The following MARF1 variants were observed in gnomAD, a reference collection of about 807,000 sequenced individuals.
MARF1 encodes the protein limkain-b1.
In MARF1, 24 loss-of-function variants were observed where a neutral mutation model predicts 168.2. The observed-to-expected ratio is 0.14, with a 90% CI of 0.10 to 0.20. The LOEUF (loss-of-function observed/expected upper bound fraction) is 0.20, where lower values mean the gene tolerates loss of function less well. Among genes scored for constraint, MARF1 ranks in the 10% least tolerant of loss-of-function variants. The pLI, the probability that MARF1 is intolerant of heterozygous loss-of-function variation, is 1.00. For synonymous variants in MARF1, 868 were observed against 822.4 expected, an observed-to-expected ratio of 1.06 and a Z score of -0.95; for missense variants, 1,744 against 2,143.6, an observed-to-expected ratio of 0.81 and a Z score of 3.68.
intron 7 of MARF1, 82 bp from the exon 8 acceptor site, chr16:15,625,882 C>G (rs1369298207): frequency 9.0e-7 from 1 of 1,113,766 alleles, no homozygotes; most frequent in Non-Finnish European, 1.3e-6. Context: ...TGGGTGACCT[C>G]CAAACTTCAG....
rs2033338579 is a variant in MARF1, at chr16:15,609,563, T to C, written c.3914A>G (p.Lys1305Arg). The C allele has an allele frequency of 2.0e-5, 33 of 1,614,098 alleles. No homozygotes were observed. The highest frequency in any genetic ancestry group is 2.7e-5 in the Non-Finnish European group (32 of 1,180,044). The change falls in exon 20 of 27, where the codon AAA becomes AGA. Residue 1305 changes from lysine to arginine, a missense_variant. Physicochemically the swap from Lys to Arg is conservative, Grantham distance 26. Around this residue, in one of 7 missense-constraint regions of MARF1, gnomAD observed 543 missense variants for 742.1 expected, o/e 0.73. Transcript: ENST00000396368. ...QCKLAYYGFT[K>R]LLELFEAIPD... ...TATGGCTTCAAAAAGTTCAAGTAGTTTGGTAAACCCATAGTACGCAAGTTT... is the reference window on the plus strand; with the variant it reads ...TATGGCTTCAAAAAGTTCAAGTAGTCTGGTAAACCCATAGTACGCAAGTTT...
intron 16 of MARF1, among the ~76,000 whole-genome samples, 159 bp downstream of exon 16, chr16:15,615,671 C>T (rs2033988043): frequency 6.6e-6 from 1 of 152,146 alleles, no homozygotes; most frequent in Admixed American, 6.6e-5. Context: ...GTAACGCCAA[C>T]CCCTCAAGCA....
chr16:15,611,577 T>C lies in MARF1; in HGVS notation c.3617+15A>G, dbSNP rs770778002. On this transcript the variant is annotated intron_variant, in intron 18 of 26. Coordinates refer to ENST00000396368, the MANE Select transcript of MARF1 (RefSeq NM_014647.4). ...AAAATATTTACTTTCATTTCTGTTC[T>C]TTTCATCAACTCACCAGTGATAAGC... The C allele has an allele frequency of 1.9e-6, 3 of 1,610,712 alleles. No homozygotes were observed. The highest frequency in any genetic ancestry group is 3.4e-5 in the Admixed American group (2 of 59,566).
chr16:15,606,519 C>G (rs2033026930), intron 21 of MARF1, among the ~76,000 whole-genome samples: 1 of 152,146 alleles, frequency 6.6e-6, no homozygotes, highest in Admixed American at 6.5e-5. Flanking sequence ...CTCCCCACTC[C>G]TAAGTCCTGA....
In MARF1 at chr16:15,617,363, T is replaced by C; in HGVS notation, c.2893A>G (p.Ile965Val). ...DGSSTNCSPI[I>V]FEELEYHEPV... The stretch of plus-strand genomic sequence containing the variant: ...TCGTGATATTCTAACTCTTCAAATA[T>C]AATTGGGCTGCAATTCGTGGAGGAG... The change falls in exon 14 of 27, where the codon ATA (isoleucine) becomes GTA (valine). Residue 965 changes from isoleucine to valine, a missense_variant. Physicochemically the swap from Ile to Val is conservative, Grantham distance 29. Transcript: ENST00000396368. 2 of 1,614,168 alleles carry C rather than the reference T, an allele frequency of 1.2e-6. No homozygotes were observed. The highest frequency in any genetic ancestry group is 1.7e-6 in the Non-Finnish European group (2 of 1,180,026).
Position 15,636,354 on chromosome 16 carries a change from A to C in MARF1, c.145-12T>G. On this transcript the variant is annotated splice_polypyrimidine_tract_variant and intron_variant, in intron 2 of 26. Transcript: ENST00000396368. ...TCCATGTACTCTTTCTGAGAAAAGA[A>C]AATCAGAACATAAATTAATTTTATG... is the stretch of plus-strand genomic sequence containing the variant. The C allele has an allele frequency of 3.9e-6, 6 of 1,520,088 alleles. No homozygotes were observed. The highest frequency in any genetic ancestry group is 5.3e-6 in the Non-Finnish European group (6 of 1,134,204). The allele number at this position is 1,520,088 out of a possible 1,614,324, so 94.2% of individuals were successfully genotyped here. A position where few individuals can be genotyped will look rare whatever the true frequency, so the allele number is the denominator to read the frequency against.
Position 15,624,885 on chromosome 16 carries a change from T to C in MARF1, c.2154A>G (p.Val718=). The C allele has an allele frequency of 1.2e-6, 2 of 1,614,196 alleles. No homozygotes were observed. Residue 718 remains valine (V), a synonymous_variant, in exon 10 of 27, where the codon GTA becomes GTG. Transcript: ENST00000396368. ...CAGTCTCCTCTTTATCTTTTTTCTC[T>C]ACAGGAGAACTGGTAACACTTCGGG... ...LSARSVTSSP[V]EKKDKEETVF...
rs10657514 is a variant in MARF1 at position 15,613,689 on chromosome 16, A to AAATAAATAAATAAAT, written c.3254-913_3254-912insATTTATTTATTTATT. Among the ~76,000 whole-genome samples the AAATAAATAAATAAAT allele has an allele frequency of 1.7e-3, 107 of 63,930 alleles. 1 individual carries two copies. Among genetic ancestry groups the AAATAAATAAATAAAT allele is most frequent in the Middle Eastern group, 8.2e-3 (1 of 122 alleles). 41.9% of individuals were successfully genotyped at this position (63,930 alleles called of 152,430 possible). On this transcript the variant is annotated intron_variant, in intron 16 of 26. Coordinates refer to ENST00000396368, the MANE Select transcript of MARF1 (RefSeq NM_014647.4). ...TAAATAAATAAATAAATAAATAAATAAAATAAAATAAAATAAAATAAAAAG... is the reference window on the plus strand; with the variant it reads ...TAAATAAATAAATAAATAAATAAATAAATAAATAAATAAATAAATAAAATAAAATAAAATAAAAAG...
chr16:15,640,675 G>A (rs1372126699), intron 1 of MARF1, among the ~76,000 whole-genome samples: 4 of 152,206 alleles, frequency 2.6e-5, no homozygotes, highest in Admixed American at 6.5e-5. Context: ...CAGCCTGGGC[G>A]ACGGAGTGAG....
chr16:15,638,357 G>T (rs566539299), intron 2 of MARF1, among the ~76,000 whole-genome samples: 3 of 152,084 alleles, frequency 2.0e-5, no homozygotes, highest in African/African-American at 7.2e-5. Context: ...AGGCTGAGGC[G>T]GGAGGATCAC....
In MARF1 at chr16:15,633,828, G is replaced by A; in HGVS notation, c.1022C>T (p.Ala341Val). Reference protein sequence around the residue: ...AASKFGSPEVAVAGQVLENLP... With the variant: ...AASKFGSPEVVVAGQVLENLP... ...GTTTTCTAGCACCTGTCCAGCTACTGCAACTTCTGGTGACCCTTAAGAAAT... is the reference window on the plus strand; with the variant it reads ...GTTTTCTAGCACCTGTCCAGCTACTACAACTTCTGGTGACCCTTAAGAAAT... The change falls in exon 5 of 27, where the codon GCA (alanine) becomes GTA (valine). Residue 341 changes from alanine to valine, a missense_variant. Ala to Val is a moderately conservative substitution (Grantham distance 64). Coordinates refer to ENST00000396368, the MANE Select transcript of MARF1 (RefSeq NM_014647.4). 2 of 1,610,652 alleles carry A rather than the reference G, an allele frequency of 1.2e-6. No homozygotes were observed. Among genetic ancestry groups the A allele is most frequent in the Non-Finnish European group, 1.7e-6 (2 of 1,178,272 alleles).
At chr16:15,625,320 A>C (rs2034770642) in intron 8 of MARF1, 52 bp downstream of exon 8, 3 of 1,560,846 alleles carry the variant, frequency 1.9e-6, no homozygotes, top group Non-Finnish European at 8.7e-7. Context: ...TAAAACACAG[A>C]AACAAACCAA....
At position 15,623,131 on chromosome 16, in the gene MARF1, A is replaced by G. The variant is rs766763519; in HGVS notation, c.2271-8T>C. Reference sequence around the variant, plus strand: ...AGGTTTGGAGACATACTCCTGCTTAAAACACACATATTGACATTATTTTAA... The same window carrying G: ...AGGTTTGGAGACATACTCCTGCTTAGAACACACATATTGACATTATTTTAA... On this transcript the variant is annotated splice_region_variant and splice_polypyrimidine_tract_variant and intron_variant, in intron 10 of 26. Transcript: ENST00000396368. The G allele has an allele frequency of 1.3e-6, 2 of 1,567,998 alleles. No homozygotes were observed. Among genetic ancestry groups the G allele is most frequent in the African/African-American group, 2.7e-5 (2 of 74,072 alleles).
rs560982631 is a variant in MARF1, at chr16:15,638,243, T to C, written c.144+847A>G. 1.6e-4 allele frequency among the ~76,000 whole-genome samples: 24 copies of C among 152,060 alleles called. No individual in the cohort carries two copies. In the South Asian group the frequency reaches 1.9e-3, roughly 12 times the overall value. On this transcript the variant is annotated intron_variant, in intron 2 of 26. Coordinates refer to ENST00000396368, the MANE Select transcript of MARF1 (RefSeq NM_014647.4). ...AGTCTCACTTGAATCCCACATACAA[T>C]AGAAAATAAGAAATAGAAAGGTGGT...
intron 1 of MARF1, among the ~76,000 whole-genome samples, chr16:15,641,225 C>G (rs150719850): frequency 1.5e-3 from 232 of 152,252 alleles, no homozygotes; most frequent in African/African-American, 5.3e-3. Flanking sequence ...ACCACTGTAT[C>G]TCTTGTGCCA....
In MARF1 at chr16:15,609,630, T is replaced by C; in HGVS notation, c.3847A>G (p.Lys1283Glu). ...HQPHFRMPFN[K>E]FIPSYHHHFG... is the part of the protein sequence containing the mutation. The stretch of plus-strand genomic sequence containing the variant: ...TGGTGATGGTAAGAAGGGATAAATT[T>C]ATTAAAGGGCATCCGGAAATGGGGT... Residue 1283 changes from lysine (K) to glutamate (E), a missense_variant, in exon 20 of 27, where the codon AAA (lysine) becomes GAA (glutamate). Physicochemically the swap from Lys to Glu is moderately conservative, Grantham distance 56. Around this residue, in one of 7 missense-constraint regions of MARF1, gnomAD observed 543 missense variants for 742.1 expected, o/e 0.73. Transcript: ENST00000396368. 6.2e-7 allele frequency: 1 copy of C among 1,614,176 alleles called. No homozygotes were observed. Among genetic ancestry groups the C allele is most frequent in the Non-Finnish European group, 8.5e-7 (1 of 1,180,022 alleles).
chr16:15,608,631 G>A (rs2033239666), intron 20 of MARF1, 113 bp from the exon 21 acceptor site: 1 of 706,022 alleles, frequency 1.4e-6, no homozygotes, highest in Non-Finnish European at 2.4e-6. Flanking sequence ...GTTACTGAAT[G>A]GGTATAAAGT....
chr16:15,638,838 G>C (rs913836262), intron 2 of MARF1, among the ~76,000 whole-genome samples: 2 of 152,168 alleles, frequency 1.3e-5, no homozygotes, highest in South Asian at 2.1e-4. Flanking sequence ...TGACTTTAAT[G>C]AGGAAGAAAT....
intron 21 of MARF1, among the ~76,000 whole-genome samples, chr16:15,605,060 T>A (rs2032886400): frequency 6.6e-6 from 1 of 152,202 alleles, no homozygotes; most frequent in African/African-American, 2.4e-5. Flanking sequence ...AGACAGAGAT[T>A]GTCACTTGGG....
Sources: gnomAD v4.1 joint callset for allele counts (sites outside exome capture counted in the v4.1 genomes callset) on GRCh38, gnomAD v4.1.1 for gene constraint, gnomAD v4.1.1 regional missense constraint, MANE v1.5 for transcripts, NCBI Gene and HGNC (gene_info 2026-07-23, HGNC 2026-07-21) for gene names.